The following NFATC1 variants were observed in gnomAD, a reference collection of about 807,000 sequenced individuals.
NFATC1 encodes nuclear factor of activated T cells 1.
A neutral mutation model predicts 76.0 loss-of-function variants in NFATC1; 22 were observed. The observed-to-expected ratio is 0.29, with a 90% CI of 0.21 to 0.41. The LOEUF (loss-of-function observed/expected upper bound fraction) is 0.41. Ranked by LOEUF, NFATC1 falls within the 10% of genes least tolerant of loss-of-function variation. The pLI is 1.00. For missense variants in NFATC1, 1,357 were observed against 1,337.7 expected, an observed-to-expected ratio of 1.01 and a Z score of -0.23; for synonymous variants, 704 against 613.1, an observed-to-expected ratio of 1.15 and a Z score of -2.19.
intron 9 of NFATC1, among the ~76,000 whole-genome samples, chr18:79,517,649 C>T: frequency 6.6e-6 from 1 of 152,224 alleles, no homozygotes; most frequent in East Asian, 1.9e-4. Flanking sequence ...AAGGAGCAGT[C>T]CTGCAGGACG....
chr18:79,412,361 C>T (rs1266858016), intron 2 of NFATC1, among the ~76,000 whole-genome samples: 1 of 152,046 alleles, frequency 6.6e-6, no homozygotes. Flanking sequence ...GTCAGGGCTG[C>T]CGCTGTGTCC....
Position 79,459,582 on chromosome 18 carries a change from C to G in NFATC1, c.1904-1729C>G, listed in dbSNP as rs529135548. On this transcript the variant is annotated intron_variant, in intron 6 of 9. Transcript: ENST00000427363. The stretch of plus-strand genomic sequence containing the variant: ...CTCCCCTTGCCAGTGCCAAAGGCCT[C>G]CACAGCGTCAGGGAAGTTCCTAGGG... 3.5e-3 allele frequency among the ~76,000 whole-genome samples: 534 copies of G among 152,248 alleles called. 4 individuals are homozygous for G. The highest frequency in any genetic ancestry group is 0.014 in the Middle Eastern group (4 of 294).
intron 4 of NFATC1, 69 bp downstream of exon 4, chr18:79,449,053 C>G: frequency 3.9e-6 from 6 of 1,522,402 alleles, no homozygotes; most frequent in South Asian, 2.4e-5. Context: ...CTCCCAGTCC[C>G]GGGGGGTCTG....
intron 3 of NFATC1, among the ~76,000 whole-genome samples, chr18:79,437,129 C>T (rs184632606): frequency 1.1e-3 from 160 of 152,332 alleles, no homozygotes; most frequent in African/African-American, 3.6e-3. Flanking sequence ...GTGGTCCCTG[C>T]GGGGTCTGGC....
chr18:79,451,882 CGGT>C (rs2087490236), intron 6 of NFATC1, 66 bp downstream of exon 6: 2 of 1,545,496 alleles, frequency 1.3e-6, no homozygotes, highest in Admixed American at 3.6e-5. Flanking sequence ...GGTTCCCAGT[CGGT>C]GGAGCAGGAC....
intron 7 of NFATC1, among the ~76,000 whole-genome samples, chr18:79,461,961 G>A (rs575195691): frequency 5.3e-5 from 8 of 152,368 alleles, no homozygotes; most frequent in South Asian, 2.1e-4. Flanking sequence ...GCCTGTTAGC[G>A]GGCGGTGCAT....
At chr18:79,443,273 G>A (rs534059152) in intron 3 of NFATC1, among the ~76,000 whole-genome samples, 5 of 152,294 alleles carry the variant, frequency 3.3e-5, no homozygotes, top group Admixed American at 1.3e-4. Flanking sequence ...TGTGCACCGC[G>A]CGTATGGACA....
chr18:79,511,833 TGGACTTGCTGCGGGTCCG>T (rs1173540802), intron 9 of NFATC1, among the ~76,000 whole-genome samples: 1 of 152,022 alleles, frequency 6.6e-6, no homozygotes, highest in Non-Finnish European at 1.5e-5. Context: ...GAGATGTGGA[TGGACTTGCTGCGGGTCCG>T]GGACCTGCCT....
At chr18:79,428,562 TACA>T (rs2086478770) in intron 2 of NFATC1, among the ~76,000 whole-genome samples, 1 of 152,208 alleles carries the variant, frequency 6.6e-6, no homozygotes, top group Admixed American at 6.5e-5. Flanking sequence ...TGCCAGCGTT[TACA>T]ACAACAGAGG....
rs3786200 is a variant in NFATC1 at position 79,472,167 on chromosome 18, G to A, written c.2092+4585G>A. Among the ~76,000 whole-genome samples, 7 of 152,244 alleles carry A rather than the reference G, an allele frequency of 4.6e-5. No individual in the cohort carries two copies. In the East Asian group the frequency reaches 9.7e-4, roughly 21 times the overall value. On this transcript the variant is annotated intron_variant, in intron 8 of 9. Coordinates refer to ENST00000427363, the MANE Select transcript of NFATC1 (RefSeq NM_001278669.2). ...TGTGAGCCGTGGGGGGGCGGGGGGCGGCTGTGAAACTGAGGTCCCCGTGCA... is the reference window on the plus strand; with the variant it reads ...TGTGAGCCGTGGGGGGGCGGGGGGCAGCTGTGAAACTGAGGTCCCCGTGCA...
rs1339032166 is a variant in NFATC1, at chr18:79,464,713, T to TA, written c.1960-2737_1960-2736insA. On this transcript the variant is annotated intron_variant, in intron 7 of 9. Transcript: ENST00000427363. ...ATATATATTTATTTATTTATTTATTTTTTTTTTTTTGAGACAGGGTCTTGC... is the reference window on the plus strand; with the variant it reads ...ATATATATTTATTTATTTATTTATTTATTTTTTTTTTGAGACAGGGTCTTGC... Among the ~76,000 whole-genome samples, 45 of 134,016 alleles carry TA rather than the reference T, an allele frequency of 3.4e-4. 2 individuals carry two copies. Among genetic ancestry groups the TA allele is most frequent in the African/African-American group, 1.1e-3 (40 of 36,090 alleles). 87.9% of individuals were successfully genotyped at this position (134,016 alleles called of 152,430 possible).
rs764786099 is a variant in NFATC1 at position 79,433,588 on chromosome 18, G to T, written c.1236G>T (p.Leu412=). The T allele has an allele frequency of 6.2e-7, 1 of 1,613,076 alleles. No individual in the cohort carries two copies. The highest frequency in any genetic ancestry group is 2.2e-5 in the East Asian group (1 of 44,854). ...CTCTGTTCCCTTCCAGCCCGACCCT[G>T]CCCGCCCTGGACTGGCAGCTGCCGT... ...LSPTSYMSPT[L]PALDWQLPSH... Residue 412 remains leucine (L), a synonymous_variant, in exon 3 of 10, where the codon CTG becomes CTT. Transcript: ENST00000427363.
chr18:79,467,489 A>G lies in NFATC1; in HGVS notation c.1999A>G (p.Arg667Gly). ...TGAGATCCCGCCATTTCGGAATCAG[A>G]GGATAACCAGCCCCGTTCACGTCAG... ...VVEIPPFRNQRITSPVHVSFY... is the reference protein window; with the variant it reads ...VVEIPPFRNQGITSPVHVSFY... The change falls in exon 8 of 10, where the codon AGG (arginine) becomes GGG (glycine). Residue 667 changes from arginine (R) to glycine (G), a missense_variant. Physicochemically the swap from Arg to Gly is moderately radical, Grantham distance 125. Around this residue, in one of 3 missense-constraint regions of NFATC1, gnomAD observed 424 missense variants for 395.4 expected, o/e 1.07. Transcript: ENST00000427363. 6.2e-7 allele frequency: 1 copy of G among 1,611,468 alleles called. No homozygotes were observed. Among genetic ancestry groups the G allele is most frequent in the East Asian group, 2.2e-5 (1 of 44,712 alleles).
intron 8 of NFATC1, chr18:79,469,870 C>T: frequency 1.0e-6 from 1 of 985,124 alleles, no homozygotes; most frequent in East Asian, 1.1e-4. Context: ...GTCCTGGGGG[C>T]TGCGACCGCA....
chr18:79,418,631 G>A (rs918387670), intron 2 of NFATC1, among the ~76,000 whole-genome samples: 2 of 152,250 alleles, frequency 1.3e-5, no homozygotes, highest in South Asian at 2.1e-4. Flanking sequence ...GCCAGCCTCC[G>A]CTGGTGAGGG....
Position 79,494,811 on chromosome 18 carries a change from G to A in NFATC1, c.2782+7874G>A, listed in dbSNP as rs1432301888. Among the ~76,000 whole-genome samples, 21 of 98,576 alleles carry A rather than the reference G, an allele frequency of 2.1e-4. No individual in the cohort carries two copies. In the East Asian group the frequency reaches 3.3e-3, roughly 15 times the overall value. 64.7% of individuals were successfully genotyped at this position (98,576 alleles called of 152,430 possible). ...TGCCCCCCATCGACCTGGTACCGCC[G>A]GGGGAAGGCGAGAGCGGGCACACGC... On this transcript the variant is annotated intron_variant, in intron 9 of 9. Transcript: ENST00000427363.
intron 9 of NFATC1, among the ~76,000 whole-genome samples, chr18:79,526,730 A>G (rs2090775643): frequency 6.6e-6 from 1 of 152,182 alleles, no homozygotes; most frequent in African/African-American, 2.4e-5. Context: ...GAATTTGGGG[A>G]AGGGAGTGGG....
chr18:79,496,415 G>C (rs1280318143), intron 9 of NFATC1: 1 of 152,288 alleles, frequency 6.6e-6, no homozygotes, highest in Non-Finnish European at 1.5e-5. Context: ...CAGAGGGAGA[G>C]AGGTGGCCGG....
chr18:79,474,876 GCTCA>G (rs1406490215), intron 8 of NFATC1, among the ~76,000 whole-genome samples: 8 of 136,152 alleles, frequency 5.9e-5, no homozygotes, highest in Non-Finnish European at 1.1e-4. Context: ...GTGTTCTCAC[GCTCA>G]CTGTCGACGT....
Sources: gnomAD v4.1 joint callset for allele counts (sites outside exome capture counted in the v4.1 genomes callset) on GRCh38, gnomAD v4.1.1 for gene constraint, gnomAD v4.1.1 regional missense constraint, MANE v1.5 for transcripts, NCBI Gene and HGNC (gene_info 2026-07-23, HGNC 2026-07-21) for gene names.